The following LPP variants were observed in gnomAD, a reference collection of about 807,000 sequenced individuals.
LPP encodes lipoma-preferred partner.
LPP carries 38 observed loss-of-function variants against 60.4 expected under a neutral mutation model. That is an observed-to-expected ratio of 0.63 (90% CI 0.49 to 0.83). The LOEUF (loss-of-function observed/expected upper bound fraction) is 0.83. LPP is among the 40% of genes least tolerant of loss of function. The probability of loss-of-function intolerance (pLI) is 0.00; values close to 1 mark genes in which losing one functional copy is unlikely to be tolerated. For missense variants in LPP, 902 were observed against 783.6 expected (o/e 1.15, Z -1.80); for synonymous variants, 328 against 290.8 (o/e 1.13, Z -1.30).
At chr3:188,448,447 T>C (rs1232240957) in intron 4 of LPP, among the ~76,000 whole-genome samples, 1 of 147,456 alleles carries the variant, frequency 6.8e-6, no homozygotes, top group Non-Finnish European at 1.5e-5. Context: ...TATTTAGATA[T>C]CTATATTTAG....
intron 8 of LPP, among the ~76,000 whole-genome samples, chr3:188,748,044 A>G (rs1292381856): frequency 6.6e-6 from 1 of 152,116 alleles, no homozygotes; most frequent in African/African-American, 2.4e-5. Context: ...TACCTTGTGG[A>G]TTTTGCATGG....
chr3:188,887,761 G>T lies in LPP; in HGVS notation c.*13282G>T. 4.8e-6 allele frequency: 1 copy of T among 209,470 alleles called. No individual in the cohort carries two copies. The highest frequency in any genetic ancestry group is 9.7e-6 in the Non-Finnish European group (1 of 102,996). The allele number at this position is 209,470 out of a possible 1,614,324, so 13.0% of individuals were successfully genotyped here. On this transcript the variant is annotated 3_prime_UTR_variant, in exon 12 of 12. Transcript: ENST00000617246. The stretch of plus-strand genomic sequence containing the variant: ...TTGATGAAAGACATTTAGGACCCTA[G>T]AAACTAAATCTTGTCACCAAGACTT...
rs139114490 is a variant in LPP at position 188,734,553 on chromosome 3, A to G, written c.1241-25560A>G. ...CCAACTTCCAATTCCTCAGGGAGCA[A>G]CAAAGAGTTGTCTCATTGCCACCTG... On this transcript the variant is annotated intron_variant, in intron 8 of 11. Transcript: ENST00000617246. Among the ~76,000 whole-genome samples the G allele has an allele frequency of 1.9e-3, 295 of 152,360 alleles. 1 individual carries two copies. Among genetic ancestry groups the G allele is most frequent in the African/African-American group, 6.9e-3 (285 of 41,592 alleles).
intron 7 of LPP, among the ~76,000 whole-genome samples, chr3:188,659,437 A>G (rs1476114996): frequency 6.6e-6 from 1 of 152,210 alleles, no homozygotes; most frequent in African/African-American, 2.4e-5. Context: ...GCCGGTAAAT[A>G]TAGTTATCTG....
chr3:188,666,000 A>G (rs902912124), intron 7 of LPP, among the ~76,000 whole-genome samples: 1 of 152,224 alleles, frequency 6.6e-6, no homozygotes, highest in East Asian at 1.9e-4. Flanking sequence ...AAATGCAGTC[A>G]TTTACATTTA....
intron 2 of LPP, among the ~76,000 whole-genome samples, chr3:188,283,453 A>G (rs143917080): frequency 6.6e-6 from 1 of 152,308 alleles, no homozygotes; most frequent in Non-Finnish European, 1.5e-5. Flanking sequence ...GACTGCTCAC[A>G]TGATGTGCTT....
intron 5 of LPP, among the ~76,000 whole-genome samples, chr3:188,499,501 C>T (rs951243321): frequency 2.6e-5 from 4 of 152,106 alleles, no homozygotes; most frequent in African/African-American, 4.8e-5. Context: ...CACTGTTTTG[C>T]TTACTTTAGC....
chr3:188,513,028 T>C (rs1248639043), intron 5 of LPP, among the ~76,000 whole-genome samples: 1 of 152,216 alleles, frequency 6.6e-6, no homozygotes, highest in Non-Finnish European at 1.5e-5. Context: ...AATGTAAAAG[T>C]AAACCTTTTC....
At chr3:188,441,785 T>A (rs549806615) in intron 4 of LPP, among the ~76,000 whole-genome samples, 6 of 151,136 alleles carry the variant, frequency 4.0e-5, no homozygotes, top group Admixed American at 1.3e-4. Flanking sequence ...CACGCCCGGC[T>A]AATTTTGTTT....
At chr3:188,169,975 C>T (rs1471173567) in intron 1 of LPP, among the ~76,000 whole-genome samples, 2 of 152,106 alleles carry the variant, frequency 1.3e-5, no homozygotes, top group Admixed American at 1.3e-4. Context: ...CTGGGTCTAG[C>T]GGGAGATAGA....
intron 6 of LPP, among the ~76,000 whole-genome samples, chr3:188,552,873 T>A (rs1828521455): frequency 6.6e-6 from 1 of 152,192 alleles, no homozygotes; most frequent in African/African-American, 2.4e-5. Context: ...GTTCGAGGAA[T>A]TAGAGTGTGT....
At chr3:188,756,951 C>G (rs1730471528) in intron 8 of LPP, among the ~76,000 whole-genome samples, 1 of 152,220 alleles carries the variant, frequency 6.6e-6, no homozygotes, top group South Asian at 2.1e-4. Context: ...GTCATGCCAT[C>G]ATGGAGCCAC....
intron 7 of LPP, among the ~76,000 whole-genome samples, chr3:188,660,935 T>A (rs1269321402): frequency 6.6e-6 from 1 of 152,208 alleles, no homozygotes; most frequent in African/African-American, 2.4e-5. Context: ...AGCATTTATT[T>A]CCCGTCATAG....
At chr3:188,562,310 T>C (rs1830919984) in intron 6 of LPP, 3 of 152,062 alleles carry the variant, frequency 2.0e-5, no homozygotes, top group Admixed American at 2.0e-4. Context: ...TTGTTGGTTG[T>C]GACTTCCTGC....
intron 9 of LPP, among the ~76,000 whole-genome samples, chr3:188,805,608 C>A (rs1259304736): frequency 1.3e-5 from 2 of 151,478 alleles, no homozygotes; most frequent in Non-Finnish European, 3.0e-5. Context: ...TTGACTTCTG[C>A]TCTTTATTAT....
intron 1 of LPP, among the ~76,000 whole-genome samples, chr3:188,175,576 T>G (rs1269204218): frequency 2.0e-5 from 3 of 152,142 alleles, no homozygotes; most frequent in Non-Finnish European, 4.4e-5. Context: ...CGATCTGGAT[T>G]TGTTTGTTTG....
intron 2 of LPP, among the ~76,000 whole-genome samples, chr3:188,305,261 T>C (rs1412460007): frequency 6.6e-6 from 1 of 152,224 alleles, no homozygotes; most frequent in African/African-American, 2.4e-5. Flanking sequence ...GTTACCTTGA[T>C]TTCAGTGTTA....
chr3:188,387,552 C>T (rs1216541664), intron 3 of LPP, among the ~76,000 whole-genome samples: 6 of 140,458 alleles, frequency 4.3e-5, no homozygotes, highest in South Asian at 4.7e-4. Flanking sequence ...TTGAGACACA[C>T]GGGTCAGAGG....
chr3:188,594,977 ATCCTATT>A (rs1839705450), intron 6 of LPP, among the ~76,000 whole-genome samples: 1 of 152,300 alleles, frequency 6.6e-6, no homozygotes, highest in African/African-American at 2.4e-5. Context: ...AGGATTAAGT[ATCCTATT>A]ACCTCTACAG....
Sources: gnomAD v4.1 joint callset for allele counts (sites outside exome capture counted in the v4.1 genomes callset) on GRCh38, gnomAD v4.1.1 for gene constraint, MANE v1.5 for transcripts, NCBI Gene and HGNC (gene_info 2026-07-23, HGNC 2026-07-21) for gene names.